Variants in WWOX observed in about 807,000 individuals in gnomAD.
The protein encoded by WWOX is WW domain containing oxidoreductase, also known as WW domain-containing oxidoreductase.
Under a neutral mutation model 46.2 loss-of-function variants are expected in WWOX, and 69 were observed. The observed-to-expected ratio is 1.49, with a 90% confidence interval of 1.23 to 1.82. The LOEUF is 1.82. Among genes scored for constraint, WWOX ranks in the 40% most tolerant of loss-of-function variants. The probability of loss-of-function intolerance (pLI) is 0.00; values close to 1 mark genes in which losing one functional copy is unlikely to be tolerated. For missense variants in WWOX, 919 were observed against 542.6 expected (o/e 1.69, Z -6.89); for synonymous variants, 359 against 202.6 (o/e 1.77, Z -6.56).
At chr16:79,084,782 T>C (rs562739776) in intron 8 of WWOX, among the ~76,000 whole-genome samples, 19 of 152,166 alleles carry the variant, frequency 1.2e-4, no homozygotes, top group Non-Finnish European at 2.6e-4. Context: ...TGCTGCATTT[T>C]ATACAAAGAA....
Position 78,239,734 on chromosome 16 carries a change from C to CTTG in WWOX, c.516+75449_516+75451dup, listed in dbSNP as rs577153791. On this transcript the variant is annotated intron_variant, in intron 5 of 8. Transcript: ENST00000566780. ...ATTTTTTAGTAGAGATAGGGTTTCACTTGTTGGCCAGGCTGGTCTCGAACT... is the reference window on the plus strand; with the variant it reads ...ATTTTTTAGTAGAGATAGGGTTTCACTTGTTGTTGGCCAGGCTGGTCTCGAACT... Among the ~76,000 whole-genome samples, 530 of 152,200 alleles carry CTTG rather than the reference C, an allele frequency of 3.5e-3. 3 individuals are homozygous for CTTG. The highest frequency in any genetic ancestry group is 0.012 in the African/African-American group (502 of 41,538).
chr16:78,685,989 A>C (rs904674496), intron 8 of WWOX, among the ~76,000 whole-genome samples: 1 of 152,162 alleles, frequency 6.6e-6, no homozygotes, highest in Non-Finnish European at 1.5e-5. Flanking sequence ...GAAATAGGGA[A>C]TTTGAAATGG....
chr16:78,626,061 G>A (rs2046303778), intron 8 of WWOX, among the ~76,000 whole-genome samples: 1 of 151,518 alleles, frequency 6.6e-6, no homozygotes, highest in Non-Finnish European at 1.5e-5. Context: ...ATTGCCTTAG[G>A]TTTTTAAAAA....
intron 8 of WWOX, among the ~76,000 whole-genome samples, chr16:79,107,236 C>T (rs1567554778): frequency 6.6e-6 from 1 of 151,866 alleles, no homozygotes; most frequent in Non-Finnish European, 1.5e-5. Flanking sequence ...TCACCGCGCC[C>T]AGCCCAAAAT....
intron 8 of WWOX, chr16:79,078,015 A>G (rs2048692568): frequency 6.6e-6 from 1 of 151,896 alleles, no homozygotes; most frequent in African/African-American, 2.4e-5. Context: ...CATTTTTATC[A>G]AGGTTAGTGT....
chr16:79,130,405 G>A lies in WWOX; in HGVS notation c.1057-81203G>A, dbSNP rs1340476978. Among the ~76,000 whole-genome samples the A allele has an allele frequency of 2.0e-5, 3 of 152,284 alleles. No individual in the cohort carries two copies. The East Asian group carries it at 5.8e-4, about 29-fold the overall frequency. On this transcript the variant is annotated intron_variant, in intron 8 of 8. Transcript: ENST00000566780. The stretch of plus-strand genomic sequence containing the variant: ...ATTAGTATTATAGGCACAAAAGACA[G>A]TATGAAGTACAGCACAGATCATGAG...
rs1206725923 is a variant in WWOX, at chr16:78,341,374, T to C, written c.517-45486T>C. 1.6e-5 allele frequency among the ~76,000 whole-genome samples: 2 copies of C among 121,292 alleles called. 1 individual carries two copies. The highest frequency in any genetic ancestry group is 3.9e-5 in the Non-Finnish European group (2 of 50,810). 79.6% of individuals were successfully genotyped at this position (121,292 alleles called of 152,430 possible). A position where few individuals can be genotyped will look rare whatever the true frequency, so the allele number is the denominator to read the frequency against. Reference sequence around the variant, plus strand: ...CATGTTGTTTTATAGCAGTTACTGCTGTTTTAGTGTGATTTGGGATGAAAA... The same window carrying C: ...CATGTTGTTTTATAGCAGTTACTGCCGTTTTAGTGTGATTTGGGATGAAAA... On this transcript the variant is annotated intron_variant, in intron 5 of 8. Coordinates refer to ENST00000566780, the MANE Select transcript of WWOX (RefSeq NM_016373.4).
chr16:79,138,411 T>TAA (rs1426793707), intron 8 of WWOX, among the ~76,000 whole-genome samples: 1 of 152,218 alleles, frequency 6.6e-6, no homozygotes, highest in Non-Finnish European at 1.5e-5. Context: ...TTAGATTTTC[T>TAA]GCCACAGTTT....
chr16:78,142,343 T>C (rs1425852401), intron 4 of WWOX, among the ~76,000 whole-genome samples: 2 of 152,218 alleles, frequency 1.3e-5, no homozygotes, highest in Non-Finnish European at 2.9e-5. Flanking sequence ...AACAAAACTG[T>C]GTAGCAGTGT....
intron 8 of WWOX, among the ~76,000 whole-genome samples, chr16:78,512,102 C>G (rs1051596743): frequency 2.0e-5 from 3 of 152,170 alleles, no homozygotes; most frequent in Non-Finnish European, 2.9e-5. Flanking sequence ...GCAACTTGCA[C>G]TTAATTTTAA....
At chr16:78,731,699 G>T (rs539620393) in intron 8 of WWOX, among the ~76,000 whole-genome samples, 33 of 152,206 alleles carry the variant, frequency 2.2e-4, no homozygotes, top group African/African-American at 7.5e-4. Flanking sequence ...ATTATTGACT[G>T]GAAAGCCTGT....
intron 8 of WWOX, among the ~76,000 whole-genome samples, chr16:78,939,217 C>T (rs532037620): frequency 9.1e-4 from 139 of 152,250 alleles, no homozygotes; most frequent in South Asian, 1.7e-3. Context: ...GGAGCATCTT[C>T]TGTCTGCTAG....
chr16:78,635,485 C>G (rs1242551954), intron 8 of WWOX, among the ~76,000 whole-genome samples: 2 of 152,178 alleles, frequency 1.3e-5, no homozygotes, highest in Non-Finnish European at 2.9e-5. Context: ...AGAAGTCGTG[C>G]ACCTGGGTTC....
chr16:78,376,444 T>C (rs750032525), intron 5 of WWOX, among the ~76,000 whole-genome samples: 1 of 152,192 alleles, frequency 6.6e-6, no homozygotes, highest in East Asian at 1.9e-4. Flanking sequence ...AGTAGGACTT[T>C]GGGGCACGTT....
rs533637121 is a variant in WWOX at position 78,330,175 on chromosome 16, C to G, written c.517-56685C>G. Among the ~76,000 whole-genome samples, 10 of 152,180 alleles carry G rather than the reference C, an allele frequency of 6.6e-5. No individual in the cohort carries two copies. In the South Asian group the frequency reaches 1.9e-3, roughly 28 times the overall value. ...CCTTAAAAATTGAAGTTATAGCATA[C>G]TAACAAGTGTTCATTTTTATAATTG... On this transcript the variant is annotated intron_variant, in intron 5 of 8. Coordinates refer to ENST00000566780, the MANE Select transcript of WWOX (RefSeq NM_016373.4).
intron 8 of WWOX, among the ~76,000 whole-genome samples, chr16:78,680,938 C>T (rs144482922): frequency 6.6e-6 from 1 of 152,000 alleles, no homozygotes; most frequent in Admixed American, 6.6e-5. Context: ...TAGTGAGACC[C>T]TCTGTCTACA....
intron 8 of WWOX, among the ~76,000 whole-genome samples, chr16:78,650,601 A>G (rs368867655): frequency 8.5e-5 from 13 of 152,228 alleles, no homozygotes; most frequent in African/African-American, 2.4e-4. Context: ...CTTTGAGATT[A>G]TGTAATTAGC....
chr16:78,902,177 G>C (rs944580180), intron 8 of WWOX, among the ~76,000 whole-genome samples: 4 of 152,180 alleles, frequency 2.6e-5, no homozygotes, highest in African/African-American at 9.7e-5. Context: ...CGGGCAGCCT[G>C]CAGCTGATCC....
At chr16:78,894,786 A>G (rs141169223) in intron 8 of WWOX, among the ~76,000 whole-genome samples, 40 of 152,192 alleles carry the variant, frequency 2.6e-4, no homozygotes, top group Non-Finnish European at 5.4e-4. Flanking sequence ...TGTTTATCAT[A>G]TGAAGTTGAC....
Sources: allele counts gnomAD v4.1 joint callset (sites outside exome capture counted in the v4.1 genomes callset), GRCh38; gene constraint gnomAD v4.1.1; transcripts MANE v1.5; gene names NCBI Gene and HGNC (gene_info 2026-07-23, HGNC 2026-07-21).